The following ARHGAP10 variants were observed in gnomAD, a reference collection of about 807,000 sequenced individuals.
ARHGAP10 encodes the protein rho GTPase-activating protein 10.
ARHGAP10 carries 87 observed loss-of-function variants against 108.6 expected under a neutral mutation model. The ratio of observed to expected loss-of-function variants is 0.80; its 90% CI spans 0.67 to 0.96. ARHGAP10 has a LOEUF of 0.96. ARHGAP10 is among the 40% of genes least tolerant of loss of function. The probability of loss-of-function intolerance (pLI) is 0.00; values close to 1 mark genes in which losing one functional copy is unlikely to be tolerated. For missense variants in ARHGAP10, 939 were observed against 954.5 expected (o/e 0.98, Z 0.21); for synonymous variants, 347 against 341.1 (o/e 1.02, Z -0.19).
At chr4:147,999,911 G>C (rs1740628309) in intron 18 of ARHGAP10, among the ~76,000 whole-genome samples, 1 of 151,082 alleles carries the variant, frequency 6.6e-6, no homozygotes, top group Non-Finnish European at 1.5e-5. Flanking sequence ...GGGAAAAATA[G>C]CTCCTATTAA....
chr4:147,972,777 G>A (rs1027020441), intron 18 of ARHGAP10, among the ~76,000 whole-genome samples: 6 of 151,016 alleles, frequency 4.0e-5, no homozygotes, highest in Non-Finnish European at 7.4e-5. Context: ...TTTTTGAGAC[G>A]GAGTTTCATG....
intron 18 of ARHGAP10, among the ~76,000 whole-genome samples, chr4:148,015,492 AC>A (rs1386685587): frequency 3.3e-5 from 5 of 152,160 alleles, no homozygotes; most frequent in African/African-American, 1.2e-4. Context: ...CAAACGTGAA[AC>A]TGTAGAATAT....
At chr4:147,907,833 C>A (rs2126911942) in intron 11 of ARHGAP10, among the ~76,000 whole-genome samples, 1 of 152,196 alleles carries the variant, frequency 6.6e-6, no homozygotes, top group Non-Finnish European at 1.5e-5. Context: ...ATGCATTTAG[C>A]CTCTGTAGTT....
chr4:147,878,262 A>C (rs1735160648), intron 8 of ARHGAP10, among the ~76,000 whole-genome samples: 1 of 152,024 alleles, frequency 6.6e-6, no homozygotes, highest in South Asian at 2.1e-4. Context: ...CGCCTGGCTA[A>C]ATTTTTTGTA....
intron 1 of ARHGAP10, among the ~76,000 whole-genome samples, chr4:147,777,517 A>G (rs559587640): frequency 6.6e-6 from 1 of 152,160 alleles, no homozygotes; most frequent in Admixed American, 6.5e-5. Context: ...TGCCTCCCAG[A>G]GTGCTGGGAT....
intron 19 of ARHGAP10, among the ~76,000 whole-genome samples, chr4:148,023,908 C>T (rs1287756170): frequency 6.6e-6 from 1 of 152,228 alleles, no homozygotes; most frequent in Non-Finnish European, 1.5e-5. Context: ...GTTGACCTGC[C>T]TACCTGGGCC....
At chr4:147,794,540 A>G (rs1194232380) in intron 1 of ARHGAP10, among the ~76,000 whole-genome samples, 1 of 152,202 alleles carries the variant, frequency 6.6e-6, no homozygotes, top group Non-Finnish European at 1.5e-5. Context: ...ACACTCGACA[A>G]GTGTCAGGGC....
At chr4:147,817,838 A>G (rs955364320) in intron 1 of ARHGAP10, among the ~76,000 whole-genome samples, 3 of 152,210 alleles carry the variant, frequency 2.0e-5, no homozygotes, top group Non-Finnish European at 4.4e-5. Context: ...TTAATTCACA[A>G]TACTCAGGAA....
At chr4:147,789,789 G>A (rs1163661338) in intron 1 of ARHGAP10, among the ~76,000 whole-genome samples, 1 of 152,090 alleles carries the variant, frequency 6.6e-6, no homozygotes, top group African/African-American at 2.4e-5. Flanking sequence ...TACCAAATAA[G>A]CAAAGCTTCA....
chr4:148,032,428 T>A (rs1439089351), intron 19 of ARHGAP10, among the ~76,000 whole-genome samples: 1 of 146,812 alleles, frequency 6.8e-6, no homozygotes, highest in Non-Finnish European at 1.5e-5. Flanking sequence ...AGAGTTGAGA[T>A]GTAAATTGGA....
At chr4:147,963,038 C>T (rs7658486) in intron 16 of ARHGAP10, among the ~76,000 whole-genome samples, 11,204 of 152,168 alleles carry the variant, frequency 0.074, 692 homozygotes, top group African/African-American at 0.17. Context: ...TATTCTAATC[C>T]ATCCTTTAAG....
At chr4:147,879,378 C>A in intron 9 of ARHGAP10, 40 bp downstream of exon 9, 1 of 1,552,378 alleles carries the variant, frequency 6.4e-7, no homozygotes, top group South Asian at 1.1e-5. Flanking sequence ...TATAATCTGT[C>A]AGAGGTAGTG....
At chr4:147,942,937 C>G (rs779877142) in intron 14 of ARHGAP10, among the ~76,000 whole-genome samples, 3 of 152,228 alleles carry the variant, frequency 2.0e-5, no homozygotes, top group Non-Finnish European at 2.9e-5. Flanking sequence ...TTTGCAGCCT[C>G]TAAGACAGGG....
intron 18 of ARHGAP10, among the ~76,000 whole-genome samples, chr4:147,993,788 A>G (rs1740368446): frequency 6.6e-6 from 1 of 152,242 alleles, no homozygotes. Flanking sequence ...TGCAGAGGAT[A>G]TAATGGATAT....
intron 7 of ARHGAP10, among the ~76,000 whole-genome samples, chr4:147,869,724 G>C (rs937736426): frequency 6.6e-6 from 1 of 151,482 alleles, no homozygotes; most frequent in Admixed American, 6.6e-5. Context: ...TTACAACTCA[G>C]AGTTTCTCTC....
intron 20 of ARHGAP10, among the ~76,000 whole-genome samples, chr4:148,048,047 T>C (rs1382060909): frequency 3.3e-5 from 5 of 152,184 alleles, no homozygotes; most frequent in Non-Finnish European, 5.9e-5. Context: ...GGTCTCAGAC[T>C]CCTGACCTCA....
At chr4:147,955,432 G>T (rs907873460) in intron 16 of ARHGAP10, 58 bp downstream of exon 16, 1 of 1,444,582 alleles carries the variant, frequency 6.9e-7, no homozygotes, top group East Asian at 2.3e-5. Flanking sequence ...GAGCATAAAC[G>T]AAAAATTTCC....
intron 3 of ARHGAP10, among the ~76,000 whole-genome samples, chr4:147,836,729 A>G (rs1733184897): frequency 1.3e-5 from 2 of 152,234 alleles, no homozygotes; most frequent in Admixed American, 6.5e-5. Context: ...TCGTTTTTAC[A>G]TTAGTTTCTC....
chr4:147,812,565 A>G (rs1732073742), intron 1 of ARHGAP10, among the ~76,000 whole-genome samples: 1 of 152,118 alleles, frequency 6.6e-6, no homozygotes, highest in African/African-American at 2.4e-5. Flanking sequence ...TTCCTTCCCC[A>G]GGAGCTGCCC....
Sources: allele counts gnomAD v4.1 joint callset (sites outside exome capture counted in the v4.1 genomes callset), GRCh38; gene constraint gnomAD v4.1.1; transcripts MANE v1.5; gene names NCBI Gene and HGNC (gene_info 2026-07-23, HGNC 2026-07-21).